Variants in SEMA3D observed in about 807,000 individuals in gnomAD.
The protein encoded by SEMA3D is semaphorin-3D.
SEMA3D carries 84 observed loss-of-function variants against 100.1 expected under a neutral mutation model. The observed-to-expected ratio is 0.84, with a 90% CI of 0.70 to 1.01. SEMA3D has a LOEUF of 1.01. Ranked by LOEUF, SEMA3D falls within the 50% of genes least tolerant of loss-of-function variation. The pLI is 0.00. For missense variants in SEMA3D, 875 were observed against 934.1 expected, an observed-to-expected ratio of 0.94 and a Z score of 0.82; for synonymous variants, 312 against 320.7, an observed-to-expected ratio of 0.97 and a Z score of 0.29.
chr7:85,012,487 TAGCAGTTTTCAAACTTTATA>T (rs1329237142), intron 17 of SEMA3D, among the ~76,000 whole-genome samples: 2 of 151,792 alleles, frequency 1.3e-5, no homozygotes, highest in Admixed American at 1.3e-4. Context: ...TTATCTCTAA[TAGCAGTTTTCAAACTTTATA>T]AGGATGGATA....
the SEMA3D span, among the ~76,000 whole-genome samples, chr7:85,194,139 TTA>T: frequency 1.3e-5 from 2 of 152,208 alleles, no homozygotes; most frequent in Non-Finnish European, 2.9e-5. Flanking sequence ...GATGATTATG[TTA>T]TCTGCAAACA....
At position 85,180,512 on chromosome 7, in the gene SEMA3D, T is replaced by C. The variant is rs116643260; in HGVS notation, c.-173+6166A>G. Among the ~76,000 whole-genome samples, 543 of 152,340 alleles carry C rather than the reference T, an allele frequency of 3.6e-3. 4 individuals are homozygous for C. The highest frequency in any genetic ancestry group is 0.013 in the African/African-American group (523 of 41,576). On this transcript the variant is annotated intron_variant, in intron 1 of 18. Coordinates refer to ENST00000284136, the MANE Select transcript of SEMA3D (RefSeq NM_001384900.1). Reference sequence around the variant, plus strand: ...TCACTATTAGTAAAGTTTTCCACTATATAATTTAAATATAACATTTAAGAT... The same window carrying C: ...TCACTATTAGTAAAGTTTTCCACTACATAATTTAAATATAACATTTAAGAT...
chr7:85,185,764 A>C (rs924728237), intron 1 of SEMA3D, among the ~76,000 whole-genome samples: 3 of 152,168 alleles, frequency 2.0e-5, no homozygotes, highest in African/African-American at 7.2e-5. Context: ...GAGAAGGAGA[A>C]ACAGTGCCGA....
the SEMA3D span, among the ~76,000 whole-genome samples, chr7:85,233,131 G>T: frequency 6.6e-6 from 1 of 151,816 alleles, no homozygotes; most frequent in Non-Finnish European, 1.5e-5. Flanking sequence ...TCATCATGAG[G>T]ACATTATTTT....
At position 84,998,133 on chromosome 7, in the gene SEMA3D, A is replaced by G. The variant is rs1789554821; in HGVS notation, c.*1307T>C. 6.6e-6 allele frequency: 1 copy of G among 152,156 alleles called. No homozygotes were observed. The highest frequency in any genetic ancestry group is 2.4e-5 in the African/African-American group (1 of 41,452). The allele number at this position is 152,156 out of a possible 1,614,324, so 9.4% of individuals were successfully genotyped here. A position where few individuals can be genotyped will look rare whatever the true frequency, so the allele number is the denominator to read the frequency against. On this transcript the variant is annotated 3_prime_UTR_variant, in exon 19 of 19. Transcript: ENST00000284136. ...AGTTAATTTAACCCTTTCCGTTGTT[A>G]AAATTTTACACTCGTTCTGTTATTC...
chr7:85,060,451 A>G (rs1053516765), intron 8 of SEMA3D, among the ~76,000 whole-genome samples: 1 of 152,172 alleles, frequency 6.6e-6, no homozygotes, highest in Non-Finnish European at 1.5e-5. Context: ...TAATCAGTGC[A>G]TACTTGATCA....
intron 3 of SEMA3D, among the ~76,000 whole-genome samples, chr7:85,098,691 CA>C (rs1788649018): frequency 6.6e-6 from 1 of 151,756 alleles, no homozygotes; most frequent in Admixed American, 6.6e-5. Context: ...ATTAATCTTC[CA>C]AACTTTATAG....
chr7:85,020,260 T>A lies in SEMA3D; in HGVS notation c.1476A>T (p.Val492=), dbSNP rs1277778889. 6.2e-7 allele frequency: 1 copy of A among 1,609,992 alleles called. No individual in the cohort carries two copies. The change falls in exon 14 of 19, where the codon GTA becomes GTT. Residue 492 remains valine (V), a synonymous_variant. Transcript: ENST00000284136. ...ISKEKWNMEE[V]VLEELQIFKH... The stretch of plus-strand genomic sequence containing the variant: ...TGAATATCTGCAACTCCTCCAGCAC[T>A]ACCTCTTCCATATTCCACTTTTCCT...
chr7:85,042,691 G>A (rs1790897311), intron 9 of SEMA3D, among the ~76,000 whole-genome samples: 2 of 152,038 alleles, frequency 1.3e-5, no homozygotes, highest in South Asian at 4.1e-4. Flanking sequence ...TTGTTTTTCA[G>A]AGATGAAGTC....
chr7:85,237,958 A>AT, the SEMA3D span, among the ~76,000 whole-genome samples: 6 of 152,188 alleles, frequency 3.9e-5, no homozygotes, highest in African/African-American at 1.2e-4. Flanking sequence ...GATTTTGGCC[A>AT]TTCTAAAATA....
chr7:85,170,546 GC>G (rs1791056710), intron 1 of SEMA3D, among the ~76,000 whole-genome samples: 1 of 151,768 alleles, frequency 6.6e-6, no homozygotes, highest in Non-Finnish European at 1.5e-5. Flanking sequence ...ATAGAATAGG[GC>G]AAAATCATAA....
At chr7:85,100,958 C>T (rs1788724730) in intron 3 of SEMA3D, among the ~76,000 whole-genome samples, 1 of 151,898 alleles carries the variant, frequency 6.6e-6, no homozygotes, top group African/African-American at 2.4e-5. Context: ...GAAATTGATA[C>T]TAATTATTTT....
At chr7:85,168,828 A>T (rs866522852) in intron 1 of SEMA3D, among the ~76,000 whole-genome samples, 2 of 41,968 alleles carry the variant, frequency 4.8e-5, no homozygotes, top group Non-Finnish European at 8.5e-5. Flanking sequence ...GATGAAAGAA[A>T]GAAAGAAAGA....
chr7:85,066,913 C>CATACACACACACACAGAGAGAGAGAG, intron 7 of SEMA3D, among the ~76,000 whole-genome samples: 2 of 127,760 alleles, frequency 1.6e-5, no homozygotes, highest in African/African-American at 6.3e-5. Context: ...CACACACACA[C>CATACACACACACACAGAGAGAGAGAG]AGAGAGAGAG....
At chr7:85,175,996 A>C (rs996157089) in intron 1 of SEMA3D, among the ~76,000 whole-genome samples, 3 of 152,104 alleles carry the variant, frequency 2.0e-5, no homozygotes, top group Admixed American at 2.0e-4. Context: ...TTTACAAATA[A>C]ATTTTTAAAA....
At chr7:85,128,219 G>A (rs1583950351) in intron 2 of SEMA3D, among the ~76,000 whole-genome samples, 1 of 151,778 alleles carries the variant, frequency 6.6e-6, no homozygotes, top group African/African-American at 2.4e-5. Context: ...CCAGACAGGA[G>A]TGCAGTGGAG....
At chr7:85,009,771 C>A (rs1454164158) in intron 17 of SEMA3D, among the ~76,000 whole-genome samples, 1 of 151,746 alleles carries the variant, frequency 6.6e-6, no homozygotes, top group Admixed American at 6.6e-5. Flanking sequence ...GAAGGTATAG[C>A]TCAAATGCTA....
At chr7:85,165,842 A>C (rs990411684) in intron 1 of SEMA3D, among the ~76,000 whole-genome samples, 1 of 152,108 alleles carries the variant, frequency 6.6e-6, no homozygotes, top group Non-Finnish European at 1.5e-5. Context: ...GCAATCACGC[A>C]TCTCAAACAC....
rs988466357 is a variant in SEMA3D, at chr7:85,036,935, C to T, written c.1145G>A (p.Arg382His). ...AATTCTCCCATCATACTGCACCCAA[C>T]GATGGTCTGCACTTTCCTTATGAGC... ...PYAHKESADH[R>H]WVQYDGRIPY... Residue 382 changes from arginine to histidine, a missense_variant, in exon 12 of 19, where the codon CGT (arginine) becomes CAT (histidine). Transcript: ENST00000284136. The T allele has an allele frequency of 5.0e-6, 8 of 1,613,018 alleles. No individual in the cohort carries two copies. The African/African-American group carries it at 6.7e-5, about 13-fold the overall frequency.
Sources: gnomAD v4.1 joint callset for allele counts (sites outside exome capture counted in the v4.1 genomes callset) on GRCh38, gnomAD v4.1.1 for gene constraint, MANE v1.5 for transcripts, NCBI Gene and HGNC (gene_info 2026-07-23, HGNC 2026-07-21) for gene names.